The following UGT2B11 variants were observed in gnomAD, a reference collection of about 807,000 sequenced individuals.
The protein encoded by UGT2B11 is UDP glucuronosyltransferase family 2 member B11.
A neutral mutation model predicts 51.7 loss-of-function variants in UGT2B11; 49 were observed. The ratio of observed to expected loss-of-function variants is 0.95; its 90% confidence interval spans 0.75 to 1.20. The LOEUF (loss-of-function observed/expected upper bound fraction) is 1.20. UGT2B11 is among the 50% of genes most tolerant of loss of function. The probability of loss-of-function intolerance (pLI) is 0.00; values close to 1 mark genes in which losing one functional copy is unlikely to be tolerated. For missense variants in UGT2B11, 810 were observed against 622.1 expected, an observed-to-expected ratio of 1.30 and a Z score of -3.21; for synonymous variants, 273 against 209.0, an observed-to-expected ratio of 1.31 and a Z score of -2.64.
intron 3 of UGT2B11, among the ~76,000 whole-genome samples, chr4:69,207,887 A>T (rs1348712011): frequency 6.6e-6 from 1 of 151,658 alleles, no homozygotes; most frequent in Non-Finnish European, 1.5e-5. Flanking sequence ...GAAGAAAATG[A>T]TCATAAGTCT....
At chr4:69,202,899 A>G (rs1358155982) in intron 5 of UGT2B11, among the ~76,000 whole-genome samples, 10 of 151,646 alleles carry the variant, frequency 6.6e-5, no homozygotes, top group Admixed American at 4.0e-4. Context: ...CCTTTAGATG[A>G]TACCCTCCTT....
chr4:69,213,114 C>A (rs892529497), intron 1 of UGT2B11, among the ~76,000 whole-genome samples: 6 of 151,488 alleles, frequency 4.0e-5, no homozygotes, highest in Non-Finnish European at 8.9e-5. Context: ...AATTTTCTAA[C>A]AGTCCAGTTT....
rs2109956517 is a variant in UGT2B11, at chr4:69,214,573, A to T, written c.150T>A (p.Gly50=). Residue 50 remains glycine, a synonymous_variant, in exon 1 of 6, where the codon GGT becomes GGA. Transcript: ENST00000446444. ...AAGATGCCAGTACAGTCACCTCATG[A>T]CCTCTCTGAACAAGCTCTTTCAGGA... The part of the protein sequence containing the change: ...KTILKELVQR[G]HEVTVLASSA... 6.2e-7 allele frequency: 1 copy of T among 1,613,166 alleles called. No homozygotes were observed. Among genetic ancestry groups the T allele is most frequent in the Non-Finnish European group, 8.5e-7 (1 of 1,179,446 alleles).
chr4:69,204,428 A>G lies in UGT2B11; in HGVS notation c.1310+2T>C. On this transcript the variant is annotated splice_donor_variant, in intron 5 of 5. Transcript: ENST00000446444. LOFTEE classifies it high-confidence loss of function. ...CCTAGTGAAAAACATTGTTCTACTC[A>G]CAAAGGATCATTAATTACTGTCTTC... 6.2e-7 allele frequency: 1 copy of G among 1,611,658 alleles called. No individual in the cohort carries two copies. The highest frequency in any genetic ancestry group is 1.1e-5 in the South Asian group (1 of 91,010).
the UGT2B11 span, among the ~76,000 whole-genome samples, chr4:69,222,426 C>T: frequency 6.6e-6 from 1 of 152,152 alleles, no homozygotes; most frequent in East Asian, 1.9e-4. Flanking sequence ...TCTTCCTCAA[C>T]CCATCTAAAA....
chr4:69,216,744 G>A (rs1425004121), upstream of UGT2B11: 1 of 151,964 alleles, frequency 6.6e-6, no homozygotes, highest in Non-Finnish European at 1.5e-5. Context: ...TGGAAAGCAA[G>A]TGAATAAAGA....
Position 69,212,603 on chromosome 4 carries a change from G to A in UGT2B11, c.840C>T (p.Phe280=), listed in dbSNP as rs1159226493. 2 of 1,608,520 alleles carry A rather than the reference G, an allele frequency of 1.2e-6. No homozygotes were observed. Among genetic ancestry groups the A allele is most frequent in the Admixed American group, 1.7e-5 (1 of 59,492 alleles). Reference sequence around the variant, plus strand: ...GTAGGGGTTTGGCAGGTTTGCAGTGGAATCCTCCAACAAAATCAACGTTTG... The same window carrying A: ...GTAGGGGTTTGGCAGGTTTGCAGTGAAATCCTCCAACAAAATCAACGTTTG... ...FLPNVDFVGG[F]HCKPAKPLPK... The change falls in exon 2 of 6, where the codon TTC becomes TTT. Residue 280 remains phenylalanine, a synonymous_variant. Transcript: ENST00000446444.
At chr4:69,222,964 G>C in the UGT2B11 span, among the ~76,000 whole-genome samples, 2 of 152,188 alleles carry the variant, frequency 1.3e-5, no homozygotes, top group African/African-American at 2.4e-5. Flanking sequence ...AAAAGGCCCT[G>C]AGTATGGAGG....
chr4:69,217,123 A>C (rs1371390634), upstream of UGT2B11, among the ~76,000 whole-genome samples: 6 of 152,000 alleles, frequency 3.9e-5, no homozygotes, highest in South Asian at 2.1e-4. Context: ...ACAATATTTT[A>C]TTTTTCTGAA....
chr4:69,212,179 T>G (rs995084359), intron 2 of UGT2B11, among the ~76,000 whole-genome samples: 1 of 151,696 alleles, frequency 6.6e-6, no homozygotes. Context: ...TTTCTATATA[T>G]CAAAGTAGAA....
the UGT2B11 span, among the ~76,000 whole-genome samples, chr4:69,219,893 C>G: frequency 6.6e-6 from 1 of 152,092 alleles, no homozygotes; most frequent in African/African-American, 2.4e-5. Flanking sequence ...AATATCAGGT[C>G]CTCACATTTC....
In UGT2B11 at chr4:69,214,280, A is replaced by C; in HGVS notation, c.443T>G (p.Val148Gly). ...ACAGGGAAAAACAGCATCTGCAAAA[A>C]CGATGTCAAATCTTGACTCTTGTAG... ...KKLQESRFDI[V>G]FADAVFPCGE... Residue 148 changes from valine to glycine, a missense_variant, in exon 1 of 6, where the codon GTT (valine) becomes GGT (glycine). By Grantham distance (109) the Val-to-Gly change is moderately radical. Transcript: ENST00000446444. The C allele has an allele frequency of 6.2e-7, 1 of 1,613,306 alleles. No homozygotes were observed. The highest frequency in any genetic ancestry group is 8.5e-7 in the Non-Finnish European group (1 of 1,179,506).
At chr4:69,208,233 T>G in intron 3 of UGT2B11, 118 bp downstream of exon 3, 1 of 1,543,928 alleles carries the variant, frequency 6.5e-7, no homozygotes, top group Non-Finnish European at 8.7e-7. Context: ...TAAGCATATT[T>G]AAGGATGTAT....
chr4:69,223,494 T>C, the UGT2B11 span, among the ~76,000 whole-genome samples: 2 of 152,162 alleles, frequency 1.3e-5, no homozygotes, highest in Admixed American at 6.5e-5. Flanking sequence ...GACCACTAAA[T>C]GGAGCACAAG....
At chr4:69,217,064 A>G (rs1722292780), upstream of UGT2B11, among the ~76,000 whole-genome samples, 2 of 152,150 alleles carry the variant, frequency 1.3e-5, no homozygotes, top group Admixed American at 1.3e-4. Context: ...ATATGTTTTA[A>G]GTACAATTAC....
chr4:69,206,014 A>T (rs1407342276), intron 3 of UGT2B11, among the ~76,000 whole-genome samples: 1 of 151,568 alleles, frequency 6.6e-6, no homozygotes, highest in Non-Finnish European at 1.5e-5. Flanking sequence ...GAATGCTTAT[A>T]CTCTGTTGGT....
chr4:69,201,547 T>A (rs1721661072), intron 5 of UGT2B11, among the ~76,000 whole-genome samples: 1 of 151,824 alleles, frequency 6.6e-6, no homozygotes, highest in Non-Finnish European at 1.5e-5. Flanking sequence ...TAGATTGGCC[T>A]TCTAATTTTC....
intron 5 of UGT2B11, among the ~76,000 whole-genome samples, chr4:69,202,286 A>G (rs1721687876): frequency 6.6e-6 from 1 of 151,766 alleles, no homozygotes; most frequent in African/African-American, 2.4e-5. Context: ...TCTGTTGTGT[A>G]TATAATTGAG....
At chr4:69,211,537 T>C (rs751901145) in intron 2 of UGT2B11, among the ~76,000 whole-genome samples, 1 of 151,626 alleles carries the variant, frequency 6.6e-6, no homozygotes, top group Non-Finnish European at 1.5e-5. Flanking sequence ...AAAATAACCA[T>C]AATTACAAAA....
Sources: allele counts gnomAD v4.1 joint callset (sites outside exome capture counted in the v4.1 genomes callset), GRCh38; gene constraint gnomAD v4.1.1; transcripts MANE v1.5; gene names NCBI Gene and HGNC (gene_info 2026-07-23, HGNC 2026-07-21).